The following C17orf99 variants were observed in gnomAD, a reference collection of about 807,000 sequenced individuals.
C17orf99 encodes the protein protein IL-40.
A neutral mutation model predicts 22.6 loss-of-function variants in C17orf99; 18 were observed. The ratio of observed to expected loss-of-function variants is 0.80; its 90% CI spans 0.55 to 1.18. The LOEUF is 1.18. Ranked by LOEUF, C17orf99 falls within the 50% of genes most tolerant of loss-of-function variation. C17orf99 has a pLI of 0.00. For synonymous variants in C17orf99, 147 were observed against 136.6 expected, an observed-to-expected ratio of 1.08 and a Z score of -0.53; for missense variants, 328 against 342.7, an observed-to-expected ratio of 0.96 and a Z score of 0.34.
At chr17:78,147,001 G>A in intron 2 of C17orf99, 90 bp downstream of exon 2, 1 of 1,153,608 alleles carries the variant, frequency 8.7e-7, no homozygotes, top group Non-Finnish European at 1.3e-6. Context: ...CGGCTGGGAA[G>A]GGAGTTACTA....
chr17:78,164,900 C>G, intron 4 of C17orf99: 1 of 1,170,984 alleles, frequency 8.5e-7, no homozygotes, highest in Non-Finnish European at 1.1e-6. Flanking sequence ...GACCAGTGCT[C>G]CCAGGTGCCC....
chr17:78,152,207 C>T (rs2075489379), intron 2 of C17orf99, among the ~76,000 whole-genome samples: 1 of 152,172 alleles, frequency 6.6e-6, no homozygotes, highest in African/African-American at 2.4e-5. Flanking sequence ...GAGACAGGGT[C>T]TCGCTCTGTC....
At chr17:78,149,091 G>C (rs929042667) in intron 2 of C17orf99, among the ~76,000 whole-genome samples, 7 of 152,248 alleles carry the variant, frequency 4.6e-5, no homozygotes, top group Middle Eastern at 3.4e-3. Flanking sequence ...CAGCACTTTG[G>C]GAGGCCGAGG....
chr17:78,148,337 G>C (rs976949864), intron 2 of C17orf99, among the ~76,000 whole-genome samples: 1 of 151,944 alleles, frequency 6.6e-6, no homozygotes, highest in African/African-American at 2.4e-5. Flanking sequence ...GCACCACCAT[G>C]CCCAGCTGAT....
At position 78,161,036 on chromosome 17, in the gene C17orf99, C is replaced by T. The variant is rs1281979026; in HGVS notation, c.152C>T (p.Ala51Val). The change falls in exon 3 of 5, where the codon GCA becomes GTA. Residue 51 changes from alanine to valine, a missense_variant. Physicochemically the swap from Ala to Val is moderately conservative, Grantham distance 64. Transcript: ENST00000340363. Reference protein sequence around the residue: ...KGRWVLITCCAPQPPPPITYS... With the variant: ...KGRWVLITCCVPQPPPPITYS... ...CGCTGGGTGCTCATAACCTGCTGTG[C>T]ACCCCAGCCACCACCGCCCATCACC... The T allele has an allele frequency of 5.2e-6, 8 of 1,551,550 alleles. No homozygotes were observed. Among genetic ancestry groups the T allele is most frequent in the Admixed American group, 2.0e-5 (1 of 50,980 alleles).
chr17:78,150,499 T>C (rs7220148), intron 2 of C17orf99, among the ~76,000 whole-genome samples: 72,857 of 152,030 alleles, frequency 0.48, 19,659 homozygotes, highest in East Asian at 0.74. Context: ...GTAGGAACCA[T>C]GGACAGGCAT....
intron 4 of C17orf99, 27 bp from the exon 5 acceptor site, chr17:78,165,862 G>T: frequency 7.7e-7 from 1 of 1,298,984 alleles, no homozygotes; most frequent in South Asian, 2.6e-5. Flanking sequence ...GAGCCTGCCT[G>T]ACTTGAGTCT....
Position 78,159,670 on chromosome 17 carries a change from G to A in C17orf99, c.71-1285G>A, listed in dbSNP as rs117796716. Among the ~76,000 whole-genome samples, 1,120 of 151,042 alleles carry A rather than the reference G, an allele frequency of 7.4e-3. 8 individuals carry two copies. The highest frequency in any genetic ancestry group is 0.012 in the Non-Finnish European group (801 of 67,934). ...TCAACCACCACCGCTATCTAGTTCC[G>A]AGAGATTTTCATCACCCCAAAAGGA... On this transcript the variant is annotated intron_variant, in intron 2 of 4. Coordinates refer to ENST00000340363, the MANE Select transcript of C17orf99 (RefSeq NM_001163075.2).
At chr17:78,162,079 C>T (rs1211567180) in intron 3 of C17orf99, among the ~76,000 whole-genome samples, 1 of 151,830 alleles carries the variant, frequency 6.6e-6, no homozygotes, top group African/African-American at 2.4e-5. Context: ...AGTTTGAGAC[C>T]AGTCTGGCCA....
chr17:78,157,554 T>G (rs1222751082), intron 2 of C17orf99: 1 of 809,556 alleles, frequency 1.2e-6, no homozygotes, highest in Non-Finnish European at 1.8e-6. Flanking sequence ...ATCCCATCAC[T>G]TTGGAAGACC....
Position 78,149,331 on chromosome 17 carries a change from C to CAAA in C17orf99, c.70+2448_70+2450dup, listed in dbSNP as rs35155993. On this transcript the variant is annotated intron_variant, in intron 2 of 4. Coordinates refer to ENST00000340363, the MANE Select transcript of C17orf99 (RefSeq NM_001163075.2). ...TGGGCAACAGAGAGAGACTCTGCCT[C>CAAA]AAAAAAAAAAAAAAAAAAAAAAAAA... Among the ~76,000 whole-genome samples the CAAA allele has an allele frequency of 3.7e-4, 15 of 41,014 alleles. 1 individual carries two copies. Among genetic ancestry groups the CAAA allele is most frequent in the South Asian group, 1.2e-3 (1 of 858 alleles). 26.9% of individuals were successfully genotyped at this position (41,014 alleles called of 152,430 possible).
At chr17:78,152,636 A>ATT (rs111755912) in intron 2 of C17orf99, among the ~76,000 whole-genome samples, 11 of 142,126 alleles carry the variant, frequency 7.7e-5, no homozygotes, top group South Asian at 2.2e-4. Context: ...CACCCAGCCA[A>ATT]TTTTTTTTTT....
intron 4 of C17orf99, chr17:78,165,183 C>T (rs1053894749): frequency 4.0e-6 from 4 of 993,570 alleles, no homozygotes; most frequent in Non-Finnish European, 2.4e-6. Context: ...GGCCTGTGTG[C>T]TCTGCCTGTC....
chr17:78,164,237 G>C lies in C17orf99; in HGVS notation c.513G>C (p.Gln171His). 4 of 1,551,590 alleles carry C rather than the reference G, an allele frequency of 2.6e-6. No homozygotes were observed. Among genetic ancestry groups the C allele is most frequent in the Non-Finnish European group, 3.5e-6 (4 of 1,147,010 alleles). The part of the protein sequence containing the change: ...LIGKDGQVHL[Q>H]QRPCHRQPAN... ...GGAAGGATGGGCAGGTCCACCTGCA[G>C]CAGAGACCATGCCACAGGCAGCCTG... Residue 171 changes from glutamine to histidine, a missense_variant, in exon 4 of 5, where the codon CAG becomes CAC. Physicochemically the swap from Gln to His is conservative, Grantham distance 24. Transcript: ENST00000340363.
rs2075614173 is a variant in C17orf99, at chr17:78,165,968, C to G, written c.720C>G (p.Arg240=). 2.7e-6 allele frequency: 4 copies of G among 1,501,646 alleles called. No individual in the cohort carries two copies. Among genetic ancestry groups the G allele is most frequent in the Non-Finnish European group, 3.6e-6 (4 of 1,115,982 alleles). 93.0% of individuals were successfully genotyped at this position (1,501,646 alleles called of 1,614,324 possible). ...ILALPLYRST[R]RLSEEEFGGF... is the part of the protein sequence containing the mutation. ...CCTTGCCGCTCTACAGGAGCACCCGCCGTCTGAGTGAAGAGGAGTTTGGGG... is the reference window on the plus strand; with the variant it reads ...CCTTGCCGCTCTACAGGAGCACCCGGCGTCTGAGTGAAGAGGAGTTTGGGG... The change falls in exon 5 of 5, where the codon CGC becomes CGG. Residue 240 remains arginine (R), a synonymous_variant. Coordinates refer to ENST00000340363, the MANE Select transcript of C17orf99 (RefSeq NM_001163075.2).
intron 2 of C17orf99, chr17:78,158,228 C>A: frequency 1.6e-6 from 1 of 607,338 alleles, no homozygotes; most frequent in East Asian, 3.9e-5. Context: ...AGCAGTGATC[C>A]TCCCAAGAGG....
Position 78,166,292 on chromosome 17 carries a change from CA to C in C17orf99, c.*251del. The C allele has an allele frequency of 3.2e-6, 1 of 312,398 alleles. No homozygotes were observed. The highest frequency in any genetic ancestry group is 5.8e-6 in the Non-Finnish European group (1 of 173,280). The allele number at this position is 312,398 out of a possible 1,614,324, so 19.4% of individuals were successfully genotyped here. On this transcript the variant is annotated 3_prime_UTR_variant, in exon 5 of 5. Coordinates refer to ENST00000340363, the MANE Select transcript of C17orf99 (RefSeq NM_001163075.2). Reference sequence around the variant, plus strand: ...TCAGGTTGTCTACCTTAAATATACACAAAAACATTTATTTAAAAAAAAGAAA... The same window carrying C: ...TCAGGTTGTCTACCTTAAATATACACAAAACATTTATTTAAAAAAAAGAAA...
At chr17:78,153,160 G>GA (rs146585294) in intron 2 of C17orf99, among the ~76,000 whole-genome samples, 17,343 of 151,932 alleles carry the variant, frequency 0.11, 1,152 homozygotes, top group Middle Eastern at 0.28. Context: ...TAATCAAAAG[G>GA]AAAAAACCAC....
At chr17:78,160,184 T>C (rs1449575632) in intron 2 of C17orf99, 1 of 447,016 alleles carries the variant, frequency 2.2e-6, no homozygotes. Flanking sequence ...TGAGGTCTAC[T>C]GGTTTCACTT....
Sources: allele counts gnomAD v4.1 joint callset (sites outside exome capture counted in the v4.1 genomes callset), GRCh38; gene constraint gnomAD v4.1.1; transcripts MANE v1.5; gene names NCBI Gene and HGNC (gene_info 2026-07-23, HGNC 2026-07-21).